Variants in CYTH3 observed in about 807,000 individuals in gnomAD.
The protein encoded by CYTH3 is cytohesin-3.
CYTH3 carries 23 observed loss-of-function variants against 55.1 expected under a neutral mutation model. The ratio of observed to expected loss-of-function variants is 0.42; its 90% confidence interval spans 0.30 to 0.59. The LOEUF is 0.59. Among genes scored for constraint, CYTH3 ranks in the 20% least tolerant of loss-of-function variants. The pLI is 0.20. For synonymous variants in CYTH3, 249 were observed against 194.9 expected (o/e 1.28, Z -2.31); for missense variants, 413 against 524.8 (o/e 0.79, Z 2.08).
In CYTH3 at chr7:6,259,792, T is replaced by TATA. The variant is rs1554255112; in HGVS notation, c.34+12679_34+12681dup. Among the ~76,000 whole-genome samples, 4 of 15,006 alleles carry TATA rather than the reference T, an allele frequency of 2.7e-4. No individual in the cohort carries two copies. The African/African-American group carries it at 2.8e-3, about 10-fold the overall frequency. The allele number at this position is 15,006 out of a possible 152,430, so 9.8% of individuals were successfully genotyped here. On this transcript the variant is annotated intron_variant, in intron 1 of 12. Transcript: ENST00000350796. ...ATATATTATATATATATAATATATATATATATATATATATATATATAATAT... is the reference window on the plus strand; with the variant it reads ...ATATATTATATATATATAATATATATATAATATATATATATATATATATAATAT...
chr7:6,231,403 C>T (rs972389083), intron 1 of CYTH3, among the ~76,000 whole-genome samples: 1 of 152,156 alleles, frequency 6.6e-6, no homozygotes, highest in Non-Finnish European at 1.5e-5. Flanking sequence ...GAGGGCAGAG[C>T]CTGCTCACAG....
At chr7:6,231,975 G>A (rs1222870837) in intron 1 of CYTH3, among the ~76,000 whole-genome samples, 1 of 152,144 alleles carries the variant, frequency 6.6e-6, no homozygotes, top group Non-Finnish European at 1.5e-5. Flanking sequence ...CAATTTACCT[G>A]TTCTGCTTTC....
At chr7:6,271,698 T>C (rs1780662510) in intron 1 of CYTH3, among the ~76,000 whole-genome samples, 2 of 152,078 alleles carry the variant, frequency 1.3e-5, no homozygotes. Context: ...AAACCGAACG[T>C]CAGACACAGA....
intron 1 of CYTH3, among the ~76,000 whole-genome samples, chr7:6,203,767 G>A (rs1784116254): frequency 6.6e-6 from 1 of 151,480 alleles, no homozygotes; most frequent in Non-Finnish European, 1.5e-5. Flanking sequence ...CGCCCAGGCT[G>A]GAATGCAATG....
At chr7:6,200,837 C>T (rs1266490812) in intron 1 of CYTH3, among the ~76,000 whole-genome samples, 1 of 152,232 alleles carries the variant, frequency 6.6e-6, no homozygotes, top group Non-Finnish European at 1.5e-5. Flanking sequence ...CTCACTGCAG[C>T]CTCAGCGTCC....
chr7:6,172,749 TGGATGTACAGCTTCCA>T, intron 6 of CYTH3: 1 of 1,242,084 alleles, frequency 8.1e-7, no homozygotes, highest in Non-Finnish European at 1.0e-6. Context: ...CACCCTTCTC[TGGATGTACAGCTTCCA>T]GAAACGCAAT....
intron 1 of CYTH3, among the ~76,000 whole-genome samples, chr7:6,207,480 T>C (rs1784221656): frequency 6.6e-6 from 1 of 152,074 alleles, no homozygotes; most frequent in Non-Finnish European, 1.5e-5. Context: ...AACTTGATGT[T>C]TGAGTCAGGT....
chr7:6,176,387 G>A (rs1379076152), intron 5 of CYTH3, among the ~76,000 whole-genome samples: 3 of 146,676 alleles, frequency 2.0e-5, no homozygotes, highest in Non-Finnish European at 4.4e-5. Flanking sequence ...TCAGCCTCTT[G>A]CATAGCTGAG....
intron 1 of CYTH3, among the ~76,000 whole-genome samples, chr7:6,250,945 G>A (rs1779946704): frequency 1.3e-5 from 2 of 152,142 alleles, no homozygotes; most frequent in Non-Finnish European, 2.9e-5. Flanking sequence ...CAGAGCACAG[G>A]GTCTCTGCTA....
chr7:6,259,776 ATATATATAATATATATAT>A (rs1780262663), intron 1 of CYTH3, among the ~76,000 whole-genome samples: 13 of 19,844 alleles, frequency 6.6e-4, no homozygotes, highest in South Asian at 3.7e-3. Flanking sequence ...TATATATTAT[ATATATATAATATATATAT>A]ATATATATAT....
At chr7:6,263,841 A>C (rs1477688797) in intron 1 of CYTH3, among the ~76,000 whole-genome samples, 1 of 152,142 alleles carries the variant, frequency 6.6e-6, no homozygotes, top group Non-Finnish European at 1.5e-5. Context: ...CAAGATAGAC[A>C]AAACGTGATC....
chr7:6,190,419 G>A (rs1223199185), intron 2 of CYTH3, 30 bp downstream of exon 2: 3 of 1,372,756 alleles, frequency 2.2e-6, no homozygotes, highest in Non-Finnish European at 2.8e-6. Flanking sequence ...ACAGAGTTTT[G>A]GATTTTTGGT....
chr7:6,259,673 A>AT, intron 1 of CYTH3, among the ~76,000 whole-genome samples: 1 of 134,636 alleles, frequency 7.4e-6, no homozygotes, highest in African/African-American at 3.0e-5. Context: ...AGAGTCATGT[A>AT]TTTTCTACTC....
intron 2 of CYTH3, among the ~76,000 whole-genome samples, chr7:6,189,318 T>C (rs967764697): frequency 2.0e-5 from 3 of 150,948 alleles, no homozygotes; most frequent in Non-Finnish European, 4.4e-5. Context: ...CTTTACTTTT[T>C]CTTTTTTTTA....
rs764845980 is a variant in CYTH3 at position 6,171,444 on chromosome 7, G to A, written c.450-130C>T. ...TGGGGTACAGCTCTGGCAGGGGCTT[G>A]GGGGCGCAGAGACAGAAAGGAGAAG... On this transcript the variant is annotated intron_variant, in intron 6 of 12. Transcript: ENST00000350796. The surrounding 1 kb of genome is among the most constrained non-coding windows in gnomAD (Gnocchi z 6.7). The A allele has an allele frequency of 2.4e-5, 17 of 723,280 alleles. No homozygotes were observed. Among genetic ancestry groups the A allele is most frequent in the African/African-American group, 3.5e-5 (2 of 56,502 alleles). The allele number at this position is 723,280 out of a possible 1,614,324, so 44.8% of individuals were successfully genotyped here.
chr7:6,181,410 T>C (rs1485493034), intron 4 of CYTH3, among the ~76,000 whole-genome samples: 1 of 152,108 alleles, frequency 6.6e-6, no homozygotes, highest in Non-Finnish European at 1.5e-5. Context: ...GAATTTGGGG[T>C]TTTAAATCAT....
chr7:6,178,132 G>A (rs946562174), intron 4 of CYTH3, among the ~76,000 whole-genome samples, 191 bp from the exon 5 acceptor site: 26 of 152,280 alleles, frequency 1.7e-4, no homozygotes, highest in African/African-American at 5.8e-4. Flanking sequence ...AGAAACGCAC[G>A]TTCATTCCTC....
intron 1 of CYTH3, among the ~76,000 whole-genome samples, chr7:6,211,910 C>A (rs1025445324): frequency 6.6e-6 from 1 of 152,116 alleles, no homozygotes; most frequent in African/African-American, 2.4e-5. Flanking sequence ...CACTTGAACC[C>A]AGGAGGTGAA....
intron 1 of CYTH3, among the ~76,000 whole-genome samples, chr7:6,265,855 C>T (rs1292343558): frequency 6.6e-6 from 1 of 152,004 alleles, no homozygotes; most frequent in African/African-American, 2.4e-5. Flanking sequence ...TGAAAGATGG[C>T]ACCAAAATTT....
Sources: allele counts gnomAD v4.1 joint callset (sites outside exome capture counted in the v4.1 genomes callset), GRCh38; gene constraint gnomAD v4.1.1; non-coding constraint Gnocchi (gnomAD v3.1); transcripts MANE v1.5; gene names NCBI Gene and HGNC (gene_info 2026-07-23, HGNC 2026-07-21).